BRINP3: variants seen among roughly 807,000 people sequenced by gnomAD.
BRINP3 encodes the protein BMP/retinoic acid-inducible neural-specific protein 3.
Under a neutral mutation model 71.0 loss-of-function variants are expected in BRINP3, and 19 were observed. The ratio of observed to expected loss-of-function variants is 0.27; its 90% confidence interval spans 0.19 to 0.39. BRINP3 has a LOEUF of 0.39. Among genes scored for constraint, BRINP3 ranks in the 10% least tolerant of loss-of-function variants. The probability of loss-of-function intolerance (pLI) is 1.00; values close to 1 mark genes in which losing one functional copy is unlikely to be tolerated. For synonymous variants in BRINP3, 380 were observed against 337.7 expected, an observed-to-expected ratio of 1.13 and a Z score of -1.37; for missense variants, 959 against 940.8, an observed-to-expected ratio of 1.02 and a Z score of -0.25.
chr1:190,108,378 T>G (rs1392457365), intron 7 of BRINP3, among the ~76,000 whole-genome samples: 3 of 151,564 alleles, frequency 2.0e-5, no homozygotes, highest in Non-Finnish European at 4.4e-5. Context: ...TGGTATAAAA[T>G]TTGTACAATG....
At chr1:190,432,625 G>C (rs970545915) in intron 2 of BRINP3, among the ~76,000 whole-genome samples, 5 of 152,100 alleles carry the variant, frequency 3.3e-5, no homozygotes, top group Non-Finnish European at 5.9e-5. Flanking sequence ...TTTGCCTATC[G>C]TTCTACTGCC....
chr1:190,199,780 A>C (rs1348490604), intron 6 of BRINP3, among the ~76,000 whole-genome samples: 2 of 146,088 alleles, frequency 1.4e-5, no homozygotes, highest in South Asian at 2.1e-4. Flanking sequence ...GGAAAAAAAA[A>C]AAAACAAAAA....
chr1:190,229,169 GCT>G (rs1657694739), intron 5 of BRINP3, among the ~76,000 whole-genome samples: 1 of 152,026 alleles, frequency 6.6e-6, no homozygotes, highest in African/African-American at 2.4e-5. Context: ...ATATGGTTTG[GCT>G]CTGTGTCCCC....
At chr1:190,134,040 A>G (rs1177562410) in intron 7 of BRINP3, among the ~76,000 whole-genome samples, 3 of 152,166 alleles carry the variant, frequency 2.0e-5, no homozygotes, top group Non-Finnish European at 4.4e-5. Context: ...AAAGAGAAAT[A>G]GTCCCACTGG....
In BRINP3 at chr1:190,098,887, C is replaced by A. The variant is rs2102233900; in HGVS notation, c.1432G>T (p.Val478Phe). The change falls in exon 8 of 8, where the codon GTC becomes TTC. Residue 478 changes from valine to phenylalanine, a missense_variant. By Grantham distance (50) the Val-to-Phe change is conservative (BLOSUM62 -1). Transcript: ENST00000367462. The part of the protein sequence containing the change: ...MLSQGLCKPE[V>F]AESTDHYIGF... ...ATATAGTGATCGGTGGACTCGGCGA[C>A]TTCAGGCTTGCAGAGCCCCTGGCTG... The A allele has an allele frequency of 6.2e-7, 1 of 1,614,216 alleles. No individual in the cohort carries two copies.
chr1:190,468,734 G>C (rs561049210), intron 1 of BRINP3, among the ~76,000 whole-genome samples: 13 of 151,128 alleles, frequency 8.6e-5, no homozygotes, highest in Middle Eastern at 3.4e-3. Flanking sequence ...TTTGGGGGGT[G>C]GGAGTAGAGG....
At chr1:190,237,242 A>G (rs1410911156) in intron 4 of BRINP3, among the ~76,000 whole-genome samples, 2 of 151,772 alleles carry the variant, frequency 1.3e-5, no homozygotes, top group African/African-American at 4.8e-5. Flanking sequence ...TTCACTGATC[A>G]CTGTCTGGTT....
intron 1 of BRINP3, among the ~76,000 whole-genome samples, chr1:190,472,812 TACAC>T (rs67049979): frequency 1.1e-3 from 165 of 147,568 alleles, no homozygotes; most frequent in African/African-American, 2.5e-3. Flanking sequence ...TGGTAGAAAT[TACAC>T]ACACACACAC....
chr1:190,116,783 C>T (rs777952744), intron 7 of BRINP3, among the ~76,000 whole-genome samples: 2 of 151,860 alleles, frequency 1.3e-5, no homozygotes, highest in Non-Finnish European at 2.9e-5. Flanking sequence ...TAACTATTTG[C>T]CTGTGAAATA....
chr1:190,301,611 A>G (rs1432045178), intron 2 of BRINP3, among the ~76,000 whole-genome samples: 2 of 151,812 alleles, frequency 1.3e-5, no homozygotes, highest in Non-Finnish European at 2.9e-5. Flanking sequence ...ACAATATTGA[A>G]AAGTTTTCTA....
chr1:190,464,545 A>G (rs1032321611), intron 1 of BRINP3, among the ~76,000 whole-genome samples: 3 of 152,004 alleles, frequency 2.0e-5, no homozygotes, highest in African/African-American at 7.2e-5. Flanking sequence ...TCTTAGGCAT[A>G]GTAACTTTTT....
intron 2 of BRINP3, among the ~76,000 whole-genome samples, chr1:190,315,547 C>G (rs1457821561): frequency 6.6e-6 from 1 of 152,138 alleles, no homozygotes; most frequent in African/African-American, 2.4e-5. Flanking sequence ...ATATTTTTAT[C>G]AAGAATTGCT....
intron 2 of BRINP3, among the ~76,000 whole-genome samples, chr1:190,343,755 C>T (rs763958899): frequency 2.3e-4 from 35 of 151,462 alleles, no homozygotes; most frequent in Non-Finnish European, 3.8e-4. Flanking sequence ...TTCAATTACA[C>T]TAATAAGGAC....
At position 190,447,157 on chromosome 1, in the gene BRINP3, T is replaced by C. The variant is rs561207978; in HGVS notation, c.236+7498A>G. On this transcript the variant is annotated intron_variant, in intron 2 of 7. Coordinates refer to ENST00000367462, the MANE Select transcript of BRINP3 (RefSeq NM_199051.3). ...TAAAATGGAAATTATTACAGCTGTTTATAGGAGTAAGTAAGATAACATGAA... is the reference window on the plus strand; with the variant it reads ...TAAAATGGAAATTATTACAGCTGTTCATAGGAGTAAGTAAGATAACATGAA... Among the ~76,000 whole-genome samples the C allele has an allele frequency of 3.3e-5, 5 of 151,646 alleles. No homozygotes were observed. The East Asian group carries it at 7.7e-4, about 24-fold the overall frequency.
chr1:190,099,145 A>G lies in BRINP3; in HGVS notation c.1185-11T>C, dbSNP rs370578801. The G allele has an allele frequency of 4.0e-5, 65 of 1,608,588 alleles. No homozygotes were observed. Among genetic ancestry groups the G allele is most frequent in the Non-Finnish European group, 5.5e-5 (65 of 1,176,338 alleles). ...CAGTAGGTTGAGGTTCTAGAAATAC[A>G]AAACAGAACGAATCTACATAAATAC... On this transcript the variant is annotated splice_polypyrimidine_tract_variant and intron_variant, in intron 7 of 7. Coordinates refer to ENST00000367462, the MANE Select transcript of BRINP3 (RefSeq NM_199051.3).
intron 7 of BRINP3, among the ~76,000 whole-genome samples, chr1:190,115,942 CA>C (rs1290315084): frequency 6.6e-6 from 1 of 152,088 alleles, no homozygotes; most frequent in Non-Finnish European, 1.5e-5. Context: ...TGGATTACCT[CA>C]AAAAGTTGCC....
At chr1:190,365,549 A>G (rs1018365131) in intron 2 of BRINP3, among the ~76,000 whole-genome samples, 1 of 147,648 alleles carries the variant, frequency 6.8e-6, no homozygotes, top group Non-Finnish European at 1.5e-5. Flanking sequence ...ACATTTAATT[A>G]CAATATAATT....
intron 2 of BRINP3, among the ~76,000 whole-genome samples, chr1:190,359,067 A>T (rs1184916355): frequency 2.0e-5 from 3 of 152,022 alleles, no homozygotes; most frequent in African/African-American, 7.2e-5. Flanking sequence ...TGTAAATGAC[A>T]AGTTAATGGG....
intron 2 of BRINP3, among the ~76,000 whole-genome samples, chr1:190,391,284 T>C (rs1264327881): frequency 1.3e-5 from 2 of 151,810 alleles, no homozygotes; most frequent in Non-Finnish European, 2.9e-5. Context: ...CAAGGGACAG[T>C]ATTATGGAGA....
Sources: gnomAD v4.1 joint callset for allele counts (sites outside exome capture counted in the v4.1 genomes callset) on GRCh38, gnomAD v4.1.1 for gene constraint, MANE v1.5 for transcripts, NCBI Gene and HGNC (gene_info 2026-07-23, HGNC 2026-07-21) for gene names.